SYCP1: variants seen among roughly 807,000 people sequenced by gnomAD.
SYCP1 encodes synaptonemal complex protein 1, also known as cancer/testis antigen 8.
Under a neutral mutation model 153.1 loss-of-function variants are expected in SYCP1, and 64 were observed. The ratio of observed to expected loss-of-function variants is 0.42; its 90% CI spans 0.34 to 0.51. SYCP1 has a LOEUF of 0.51. Ranked by LOEUF, SYCP1 falls within the 20% of genes least tolerant of loss-of-function variation. The probability of loss-of-function intolerance (pLI) is 0.06; values close to 1 mark genes in which losing one functional copy is unlikely to be tolerated. For synonymous variants in SYCP1, 384 were observed against 341.8 expected (o/e 1.12, Z -1.36); for missense variants, 997 against 1,049.0 (o/e 0.95, Z 0.68).
chr1:114,894,934 A>G (rs1666958680), intron 15 of SYCP1, among the ~76,000 whole-genome samples: 1 of 152,144 alleles, frequency 6.6e-6, no homozygotes, highest in Non-Finnish European at 1.5e-5. Flanking sequence ...TTGTTTTATA[A>G]TCAAATAGAA....
intron 23 of SYCP1, among the ~76,000 whole-genome samples, chr1:114,934,633 A>T (rs559662077): frequency 1.0e-3 from 157 of 152,310 alleles, no homozygotes; most frequent in African/African-American, 3.7e-3. Flanking sequence ...TAAAGAGTCA[A>T]GACCCATCAG....
intron 15 of SYCP1, among the ~76,000 whole-genome samples, chr1:114,894,502 C>T (rs1303596964): frequency 6.6e-6 from 1 of 152,088 alleles, no homozygotes; most frequent in African/African-American, 2.4e-5. Context: ...TTGAAAAATG[C>T]GGGAGGCTTG....
rs534626511 is a variant in SYCP1, at chr1:114,912,961, G to T, written c.1530-72G>T. On this transcript the variant is annotated intron_variant, in intron 18 of 31. Coordinates refer to ENST00000369522, the MANE Select transcript of SYCP1 (RefSeq NM_003176.4). ...CTTCATCCCTTTCCCCTATCATTATGTTGAATAAAATTCCATATTATGTCA... is the reference window on the plus strand; with the variant it reads ...CTTCATCCCTTTCCCCTATCATTATTTTGAATAAAATTCCATATTATGTCA... The T allele has an allele frequency of 2.9e-6, 3 of 1,049,408 alleles. No homozygotes were observed. In the African/African-American group the frequency reaches 4.9e-5, roughly 17 times the overall value. 65.0% of individuals were successfully genotyped at this position (1,049,408 alleles called of 1,614,324 possible).
At chr1:114,913,226 C>A (rs1044869757) in intron 19 of SYCP1, 76 bp downstream of exon 19, 5 of 1,158,954 alleles carry the variant, frequency 4.3e-6, no homozygotes, top group African/African-American at 3.2e-5. Context: ...CTCTAAAGAC[C>A]CTTTGACCTT....
rs1354499886 is a variant in SYCP1 at position 114,886,354 on chromosome 1, A to T, written c.1190+45A>T. The T allele has an allele frequency of 4.2e-6, 6 of 1,415,760 alleles. No individual in the cohort carries two copies. In the East Asian group the frequency reaches 1.6e-4, roughly 37 times the overall value. The allele number at this position is 1,415,760 out of a possible 1,614,324, so 87.7% of individuals were successfully genotyped here. On this transcript the variant is annotated intron_variant, in intron 14 of 31. Transcript: ENST00000369522. ...TAATACACAAAATAAGTGAATAAAA[A>T]CAATTTACTTTTAATATTCAATGCC...
chr1:114,925,596 A>G (rs1041649360), intron 21 of SYCP1, among the ~76,000 whole-genome samples: 3 of 152,080 alleles, frequency 2.0e-5, no homozygotes, highest in Admixed American at 1.3e-4. Context: ...TTTATTTTAT[A>G]TATATTTTAT....
chr1:114,855,432 G>A lies in SYCP1; in HGVS notation c.-24-9G>A. The A allele has an allele frequency of 6.3e-7, 1 of 1,575,510 alleles. No homozygotes were observed. The highest frequency in any genetic ancestry group is 8.7e-7 in the Non-Finnish European group (1 of 1,151,902). On this transcript the variant is annotated splice_polypyrimidine_tract_variant and intron_variant, in intron 1 of 31. Transcript: ENST00000369522. ...CTTTCCTTCCCCTCCCGCCCCCCCGGGGCAGTAGATATTTACAACCGTAAC... is the reference window on the plus strand; with the variant it reads ...CTTTCCTTCCCCTCCCGCCCCCCCGAGGCAGTAGATATTTACAACCGTAAC...
intron 27 of SYCP1, among the ~76,000 whole-genome samples, chr1:114,963,501 T>C (rs2101890647): frequency 6.6e-6 from 1 of 152,306 alleles, no homozygotes; most frequent in East Asian, 1.9e-4. Flanking sequence ...ATTAGGTATT[T>C]CTTCTAATGC....
At position 114,994,977 on chromosome 1, in the gene SYCP1, T is replaced by TA. The variant is rs1182453424; in HGVS notation, c.2890dup (p.Arg964LysfsTer9). The TA allele has an allele frequency of 1.2e-6, 2 of 1,602,646 alleles. No individual in the cohort carries two copies. The highest frequency in any genetic ancestry group is 1.7e-6 in the Non-Finnish European group (2 of 1,174,816). On this transcript the variant is annotated frameshift_variant, in exon 32 of 32. Coordinates refer to ENST00000369522, the MANE Select transcript of SYCP1 (RefSeq NM_003176.4). LOFTEE classifies it high-confidence loss of function. ...GTTGGGCTGTAATTGCTAAAATGGATAGAAAAAAAAAACTAAAAGAAGCTG... is the reference window on the plus strand; with the variant it reads ...GTTGGGCTGTAATTGCTAAAATGGATAAGAAAAAAAAAACTAAAAGAAGCTG...
chr1:114,856,945 A>AAAAC (rs1664001058), intron 3 of SYCP1, among the ~76,000 whole-genome samples: 1 of 141,512 alleles, frequency 7.1e-6, no homozygotes, highest in Non-Finnish European at 1.5e-5. Context: ...AAAAAAAAAA[A>AAAAC]CCAGCAAACA....
At chr1:114,903,340 A>G (rs1230847445) in intron 16 of SYCP1, among the ~76,000 whole-genome samples, 1 of 152,224 alleles carries the variant, frequency 6.6e-6, no homozygotes, top group African/African-American at 2.4e-5. Flanking sequence ...AATGGTGACA[A>G]GGGCATTAAA....
chr1:114,855,545 C>T lies in SYCP1; in HGVS notation c.81C>T (p.Thr27=), dbSNP rs1390860147. 4 of 1,605,376 alleles carry T rather than the reference C, an allele frequency of 2.5e-6. No homozygotes were observed. The South Asian group carries it at 4.4e-5, about 18-fold the overall frequency. ...SSQVSAVKPQ[T]LGGDSTFFKS... Reference sequence around the variant, plus strand: ...AGGTGTCTGCGGTGAAACCTCAGACCCTGGGAGGCGATTCCACTTTCTTCA... The same window carrying T: ...AGGTGTCTGCGGTGAAACCTCAGACTCTGGGAGGCGATTCCACTTTCTTCA... The change falls in exon 2 of 32, where the codon ACC becomes ACT. Residue 27 remains threonine, a synonymous_variant. Transcript: ENST00000369522.
chr1:114,876,172 A>G, intron 10 of SYCP1, 34 bp downstream of exon 10: 2 of 1,404,770 alleles, frequency 1.4e-6, no homozygotes, highest in Non-Finnish European at 1.9e-6. Flanking sequence ...TTTTTATATT[A>G]CTGTTTTGCT....
intron 23 of SYCP1, 148 bp downstream of exon 23, chr1:114,926,711 AGAG>A (rs1669278380): frequency 6.4e-6 from 4 of 620,886 alleles, no homozygotes; most frequent in Non-Finnish European, 1.0e-5. Context: ...CTTTTTAAAT[AGAG>A]GAGATCAACT....
Position 114,995,062 on chromosome 1 carries a change from C to A in SYCP1, c.*43C>A, listed in dbSNP as rs781589427. On this transcript the variant is annotated 3_prime_UTR_variant, in exon 32 of 32. Transcript: ENST00000369522. ...AGTTAAGGAGCCTAATAACGTGAAA[C>A]TTATAGTTAATATTTTGTTCTTATT... The A allele has an allele frequency of 2.0e-6, 3 of 1,500,610 alleles. No individual in the cohort carries two copies. The highest frequency in any genetic ancestry group is 2.7e-6 in the Non-Finnish European group (3 of 1,126,434). The allele number at this position is 1,500,610 out of a possible 1,614,324, so 93.0% of individuals were successfully genotyped here. A position where few individuals can be genotyped will look rare whatever the true frequency, so the allele number is the denominator to read the frequency against.
At chr1:114,984,149 C>T (rs555898730) in intron 29 of SYCP1, among the ~76,000 whole-genome samples, 1 of 152,114 alleles carries the variant, frequency 6.6e-6, no homozygotes, top group East Asian at 1.9e-4. Context: ...AAGCAATCCT[C>T]CTGCCTTGGT....
In SYCP1 at chr1:114,958,532, T is replaced by C. The variant is rs73004480; in HGVS notation, c.2322+11212T>C. On this transcript the variant is annotated intron_variant, in intron 27 of 31. Coordinates refer to ENST00000369522, the MANE Select transcript of SYCP1 (RefSeq NM_003176.4). ...GATTATTATGTATCATATACAGATA[T>C]CAAAATATCACATGTACTCCCAAAA... 3.7e-3 allele frequency among the ~76,000 whole-genome samples: 563 copies of C among 152,136 alleles called. 4 individuals are homozygous for C. The highest frequency in any genetic ancestry group is 0.013 in the African/African-American group (534 of 41,464).
intron 8 of SYCP1, among the ~76,000 whole-genome samples, chr1:114,873,672 T>A (rs1239235271): frequency 3.9e-5 from 6 of 152,192 alleles, no homozygotes; most frequent in Non-Finnish European, 8.8e-5. Context: ...TTTCCTATGT[T>A]CATTGTGAGA....
intron 12 of SYCP1, among the ~76,000 whole-genome samples, chr1:114,881,462 A>G (rs746068281): frequency 6.6e-6 from 1 of 151,156 alleles, no homozygotes; most frequent in Admixed American, 6.6e-5. Flanking sequence ...CACACTGTAC[A>G]TTATTTCTAG....
Sources: gnomAD v4.1 joint callset for allele counts (sites outside exome capture counted in the v4.1 genomes callset) on GRCh38, gnomAD v4.1.1 for gene constraint, MANE v1.5 for transcripts, NCBI Gene and HGNC (gene_info 2026-07-23, HGNC 2026-07-21) for gene names.